The following WDR59 variants were observed in gnomAD, a reference collection of about 807,000 sequenced individuals.
WDR59 encodes the protein WD repeat domain 59, also known as GATOR2 complex protein WDR59.
In WDR59, 100 loss-of-function variants were observed where a neutral mutation model predicts 131.2. The observed-to-expected ratio is 0.76, with a 90% CI of 0.65 to 0.90. The LOEUF is 0.90. WDR59 is among the 40% of genes least tolerant of loss of function. The pLI is 0.00. For missense variants in WDR59, 1,203 were observed against 1,262.2 expected, an observed-to-expected ratio of 0.95 and a Z score of 0.71; for synonymous variants, 601 against 466.2, an observed-to-expected ratio of 1.29 and a Z score of -3.72.
chr16:74,892,811 G>A (rs1010942874), intron 19 of WDR59, among the ~76,000 whole-genome samples: 10 of 152,130 alleles, frequency 6.6e-5, no homozygotes, highest in Non-Finnish European at 1.2e-4. Context: ...AAGTCAGGAG[G>A]GCAGGCCATA....
chr16:74,908,648 A>G, intron 17 of WDR59: 1 of 376,734 alleles, frequency 2.7e-6, no homozygotes. Context: ...GGAAAGGCAC[A>G]TTTAAAAAGA....
At chr16:74,890,456 T>A (rs1964982909) in intron 20 of WDR59, among the ~76,000 whole-genome samples, 1 of 152,082 alleles carries the variant, frequency 6.6e-6, no homozygotes, top group African/African-American at 2.4e-5. Context: ...CGGCCTCACA[T>A]GACTTTTTAA....
At chr16:74,963,718 C>T (rs2033654819) in intron 2 of WDR59, among the ~76,000 whole-genome samples, 1 of 152,070 alleles carries the variant, frequency 6.6e-6, no homozygotes, top group Admixed American at 6.6e-5. Context: ...ACCGGCACAT[C>T]CTGCACATGT....
chr16:74,943,772 C>A (rs1199514515), intron 6 of WDR59, among the ~76,000 whole-genome samples: 2 of 152,130 alleles, frequency 1.3e-5, no homozygotes, highest in African/African-American at 4.8e-5. Context: ...GCTACTTGAT[C>A]CAAGAAGTCC....
chr16:74,910,451 G>A (rs930818894), intron 14 of WDR59, among the ~76,000 whole-genome samples: 2 of 152,100 alleles, frequency 1.3e-5, no homozygotes, highest in African/African-American at 4.8e-5. Context: ...CAGCACACGT[G>A]GATTTTGAGA....
chr16:74,888,182 G>T lies in WDR59; in HGVS notation c.2333C>A (p.Ser778Tyr). The T allele has an allele frequency of 6.2e-7, 1 of 1,608,058 alleles. No individual in the cohort carries two copies. Among genetic ancestry groups the T allele is most frequent in the Non-Finnish European group, 8.5e-7 (1 of 1,178,542 alleles). The change falls in exon 22 of 26, where the codon TCC becomes TAC. Residue 778 changes from serine to tyrosine, a missense_variant. Transcript: ENST00000262144. ...FPNRSSNLVV[S>Y]HSRYPSFTSS... Reference sequence around the variant, plus strand: ...GGACAAACTTACATATCGACTATGGGACACCACAAGATTAGAAGAACGGTT... The same window carrying T: ...GGACAAACTTACATATCGACTATGGTACACCACAAGATTAGAAGAACGGTT...
chr16:74,893,965 A>C, intron 18 of WDR59, 153 bp from the exon 19 acceptor site: 1 of 866,522 alleles, frequency 1.2e-6, no homozygotes, highest in Admixed American at 2.6e-5. Flanking sequence ...GTAGGAAATA[A>C]AAGGATGAGC....
intron 6 of WDR59, 61 bp from the exon 7 acceptor site, chr16:74,942,887 G>A: frequency 6.8e-7 from 1 of 1,478,596 alleles, no homozygotes; most frequent in Non-Finnish European, 9.4e-7. Context: ...GCAGAGCAGA[G>A]CACAGCCAGG....
intron 1 of WDR59, among the ~76,000 whole-genome samples, chr16:74,970,363 T>A (rs2033929780): frequency 6.6e-6 from 1 of 151,870 alleles, no homozygotes; most frequent in South Asian, 2.1e-4. Flanking sequence ...ATTCTACTTA[T>A]CTTCTAAGTC....
At chr16:74,909,686 A>G (rs745536618) in intron 15 of WDR59, 29 bp from the exon 16 acceptor site, 4 of 1,552,516 alleles carry the variant, frequency 2.6e-6, no homozygotes, top group Non-Finnish European at 3.5e-6. Flanking sequence ...CAAGCTAAAA[A>G]CCACAACCTG....
chr16:74,983,612 T>C (rs1474013729), intron 1 of WDR59, among the ~76,000 whole-genome samples: 1 of 152,186 alleles, frequency 6.6e-6, no homozygotes, highest in East Asian at 1.9e-4. Flanking sequence ...ACAAGGGCTC[T>C]GGGGTAGGAT....
At chr16:74,892,601 T>A in intron 19 of WDR59, 36 bp from the exon 20 acceptor site, 1 of 1,545,744 alleles carries the variant, frequency 6.5e-7, no homozygotes, top group South Asian at 1.1e-5. Context: ...CATTTCTTTC[T>A]AGTGTAACTT....
chr16:74,958,615 A>AAAAAAAAAAAAAC (rs1567432657), intron 2 of WDR59, among the ~76,000 whole-genome samples: 1 of 140,840 alleles, frequency 7.1e-6, no homozygotes, highest in Admixed American at 7.3e-5. Context: ...AAAAAAAAAA[A>AAAAAAAAAAAAAC]AAAAACAAGC....
At chr16:74,948,196 T>C (rs1165846185) in intron 6 of WDR59, among the ~76,000 whole-genome samples, 1 of 152,232 alleles carries the variant, frequency 6.6e-6, no homozygotes, top group Non-Finnish European at 1.5e-5. Context: ...GCAGTTCATT[T>C]TCTTCTCCCT....
At chr16:74,976,115 T>C (rs975174250) in intron 1 of WDR59, among the ~76,000 whole-genome samples, 4 of 152,190 alleles carry the variant, frequency 2.6e-5, no homozygotes, top group South Asian at 2.1e-4. Flanking sequence ...AAAATGAACA[T>C]TGTATGAAAC....
chr16:74,889,748 G>A lies in WDR59; in HGVS notation c.2150C>T (p.Thr717Ile), dbSNP rs1188787099. Residue 717 changes from threonine to isoleucine, a missense_variant, in exon 21 of 26, where the codon ACA becomes ATA. By Grantham distance (89) the Thr-to-Ile change is moderately conservative. Coordinates refer to ENST00000262144, the MANE Select transcript of WDR59 (RefSeq NM_030581.4). Reference protein sequence around the residue: ...LGPKSDPDLETPWARHPFGRQ... With the variant: ...LGPKSDPDLEIPWARHPFGRQ... ...CCCAAATGGATGTCGAGCCCAGGGT[G>A]TTTCCAAATCTGGGTCAGATTTCGG... 7 of 1,614,154 alleles carry A rather than the reference G, an allele frequency of 4.3e-6. No individual in the cohort carries two copies. Among genetic ancestry groups the A allele is most frequent in the East Asian group, 2.2e-5 (1 of 44,886 alleles).
chr16:74,981,658 A>ATTT (rs2034430352), intron 1 of WDR59, among the ~76,000 whole-genome samples: 1 of 75,520 alleles, frequency 1.3e-5, no homozygotes, highest in African/African-American at 8.1e-5. Context: ...ATATATATAT[A>ATTT]TATTTTTTTT....
At chr16:74,910,452 G>A (rs996989684) in intron 14 of WDR59, among the ~76,000 whole-genome samples, 2 of 152,162 alleles carry the variant, frequency 1.3e-5, no homozygotes, top group Admixed American at 6.5e-5. Flanking sequence ...AGCACACGTG[G>A]ATTTTGAGAG....
At chr16:74,921,204 C>G (rs2030189212) in intron 10 of WDR59, among the ~76,000 whole-genome samples, 1 of 152,032 alleles carries the variant, frequency 6.6e-6, no homozygotes, top group Non-Finnish European at 1.5e-5. Flanking sequence ...GGTACTAAGC[C>G]TAGTACCCAA....
Sources: gnomAD v4.1 joint callset for allele counts (sites outside exome capture counted in the v4.1 genomes callset) on GRCh38, gnomAD v4.1.1 for gene constraint, MANE v1.5 for transcripts, NCBI Gene and HGNC (gene_info 2026-07-23, HGNC 2026-07-21) for gene names.